DNAH12: variants seen among roughly 807,000 people sequenced by gnomAD.
DNAH12 encodes dynein axonemal heavy chain 12, also known as axonemal beta dynein heavy chain 12.
In DNAH12, 285 loss-of-function variants were observed where a neutral mutation model predicts 371.5. The observed-to-expected ratio is 0.77, with a 90% confidence interval of 0.70 to 0.85. The LOEUF (loss-of-function observed/expected upper bound fraction) is 0.85. DNAH12 is among the 40% of genes least tolerant of loss of function. DNAH12 has a pLI of 0.00. For missense variants in DNAH12, 3,611 were observed against 3,689.4 expected, an observed-to-expected ratio of 0.98 and a Z score of 0.55; for synonymous variants, 1,200 against 1,213.0, an observed-to-expected ratio of 0.99 and a Z score of 0.22.
At chr3:57,410,620 C>G (rs1181917519) in intron 39 of DNAH12, among the ~76,000 whole-genome samples, 1 of 151,848 alleles carries the variant, frequency 6.6e-6, no homozygotes, top group Admixed American at 6.6e-5. Context: ...AAGATCAAGA[C>G]CAGCCTGGCC....
At chr3:57,483,334 A>C (rs2066814517) in intron 13 of DNAH12, 42 bp downstream of exon 13, 1 of 1,529,096 alleles carries the variant, frequency 6.5e-7, no homozygotes, top group Admixed American at 2.2e-5. Flanking sequence ...ATAATATTTC[A>C]CAATGAAAAC....
Position 57,334,613 on chromosome 3 carries a change from A to G in DNAH12, c.9834-4T>C, listed in dbSNP as rs1335152290. 2 of 1,532,564 alleles carry G rather than the reference A, an allele frequency of 1.3e-6. No homozygotes were observed. Among genetic ancestry groups the G allele is most frequent in the African/African-American group, 1.4e-5 (1 of 71,850 alleles). 94.9% of individuals were successfully genotyped at this position (1,532,564 alleles called of 1,614,324 possible). On this transcript the variant is annotated splice_polypyrimidine_tract_variant and splice_region_variant and intron_variant, in intron 61 of 73. Transcript: ENST00000495027. ...TATATGTTCACAAAAATGTTGCCTAATAGAAAAAAGCTTAAGAATTATTCT... is the reference window on the plus strand; with the variant it reads ...TATATGTTCACAAAAATGTTGCCTAGTAGAAAAAAGCTTAAGAATTATTCT...
At chr3:57,511,951 G>A (rs928469632) in intron 4 of DNAH12, among the ~76,000 whole-genome samples, 1 of 151,808 alleles carries the variant, frequency 6.6e-6, no homozygotes, top group Non-Finnish European at 1.5e-5. Context: ...AACTATACAA[G>A]GATCAGGAAG....
chr3:57,402,353 G>C, intron 43 of DNAH12: 1 of 1,279,374 alleles, frequency 7.8e-7, no homozygotes, highest in Non-Finnish European at 1.0e-6. Flanking sequence ...TGGGGCTACA[G>C]ACCCCTAGGC....
At chr3:57,348,387 G>C (rs1553658901) in intron 60 of DNAH12, among the ~76,000 whole-genome samples, 2 of 152,080 alleles carry the variant, frequency 1.3e-5, no homozygotes, top group South Asian at 4.1e-4. Flanking sequence ...GAACACAGAG[G>C]ATTTTTAGAG....
chr3:57,317,516 A>C (rs909555689), intron 65 of DNAH12, among the ~76,000 whole-genome samples: 4 of 152,116 alleles, frequency 2.6e-5, no homozygotes, highest in Non-Finnish European at 5.9e-5. Context: ...AATGTCTTCA[A>C]GTTTTATCCA....
At chr3:57,410,492 C>A (rs1434303579) in intron 39 of DNAH12, among the ~76,000 whole-genome samples, 1 of 152,050 alleles carries the variant, frequency 6.6e-6, no homozygotes, top group Non-Finnish European at 1.5e-5. Context: ...CTTCCTATTC[C>A]TTGAGATAAA....
intron 18 of DNAH12, among the ~76,000 whole-genome samples, chr3:57,462,017 T>C (rs1342394484): frequency 6.6e-6 from 1 of 152,192 alleles, no homozygotes; most frequent in East Asian, 1.9e-4. Flanking sequence ...AGATGTTTTC[T>C]GTGTACTTCA....
rs1417550694 is a variant in DNAH12 at position 57,489,567 on chromosome 3, C to CTT, written c.1454_1455dup (p.Ala486LysfsTer8). ...TCATTTAATAATATGTTTGCAAAGG[C>CTT]TTTTGCTTTATTTGTCAGGCCTGTC... On this transcript the variant is annotated frameshift_variant, in exon 12 of 74. Coordinates refer to ENST00000495027, the MANE Select transcript of DNAH12 (RefSeq NM_001366028.2). LOFTEE classifies it high-confidence loss of function. The CTT allele has an allele frequency of 1.3e-6, 2 of 1,535,228 alleles. No homozygotes were observed. Among genetic ancestry groups the CTT allele is most frequent in the Admixed American group, 4.3e-5 (2 of 46,698 alleles).
At chr3:57,300,676 C>T (rs980229246) in intron 70 of DNAH12, among the ~76,000 whole-genome samples, 2 of 152,156 alleles carry the variant, frequency 1.3e-5, no homozygotes, top group African/African-American at 2.4e-5. Context: ...AGGAGAAAGT[C>T]TGTCTCTCTA....
chr3:57,380,207 T>C (rs1317466170), intron 51 of DNAH12, 71 bp downstream of exon 51: 1 of 152,176 alleles, frequency 6.6e-6, no homozygotes, highest in Non-Finnish European at 1.5e-5. Flanking sequence ...TTGTAAACTA[T>C]TGCATAATAT....
chr3:57,473,962 G>A (rs1453585468), intron 13 of DNAH12, among the ~76,000 whole-genome samples: 1 of 152,070 alleles, frequency 6.6e-6, no homozygotes, highest in Non-Finnish European at 1.5e-5. Context: ...TAGCACATCA[G>A]CAATAGAAGG....
rs1417483342 is a variant in DNAH12, at chr3:57,509,158, G to A, written c.524C>T (p.Pro175Leu). The A allele has an allele frequency of 6.2e-7, 1 of 1,613,308 alleles. No homozygotes were observed. Among genetic ancestry groups the A allele is most frequent in the Non-Finnish European group, 8.5e-7 (1 of 1,179,824 alleles). Residue 175 changes from proline (P) to leucine (L), a missense_variant, in exon 6 of 74, where the codon CCT (proline) becomes CTT (leucine). By Grantham distance (98) the Pro-to-Leu change is moderately conservative. Around this residue, in one of 3 missense-constraint regions of DNAH12, gnomAD observed 1,314 missense variants for 1,398.7 expected, o/e 0.94. Transcript: ENST00000495027. Reference sequence around the variant, plus strand: ...TACTCACACAGGAGATTCAGGTAAAGGACCTCCTTCATCTTCAAGCGATTT... The same window carrying A: ...TACTCACACAGGAGATTCAGGTAAAAGACCTCCTTCATCTTCAAGCGATTT... ...PVKSLEDEGG[P>L]LPESPVGLDY...
intron 34 of DNAH12, 39 bp from the exon 35 acceptor site, chr3:57,425,180 C>A: frequency 1.5e-6 from 1 of 677,172 alleles, no homozygotes; most frequent in Non-Finnish European, 2.7e-6. Context: ...TAATTTTCAT[C>A]TTATTTAGAA....
chr3:57,432,115 T>C (rs2064972783), intron 32 of DNAH12, among the ~76,000 whole-genome samples: 1 of 148,120 alleles, frequency 6.8e-6, no homozygotes, highest in African/African-American at 2.5e-5. Context: ...ACTGAATGCA[T>C]GAAAGAAGGA....
At chr3:57,383,556 A>G (rs2063439142) in intron 49 of DNAH12, among the ~76,000 whole-genome samples, 1 of 150,994 alleles carries the variant, frequency 6.6e-6, no homozygotes, top group African/African-American at 2.4e-5. Context: ...GAGAATGCAG[A>G]AAGATCACAG....
At chr3:57,320,251 C>A (rs1022104181) in intron 65 of DNAH12, among the ~76,000 whole-genome samples, 1 of 152,146 alleles carries the variant, frequency 6.6e-6, no homozygotes, top group Non-Finnish European at 1.5e-5. Context: ...GAAATTTTTA[C>A]ATGTTTTTAT....
At chr3:57,398,556 AG>A (rs2063791667) in intron 43 of DNAH12, among the ~76,000 whole-genome samples, 1 of 152,234 alleles carries the variant, frequency 6.6e-6, no homozygotes, top group South Asian at 2.1e-4. Flanking sequence ...GCCAGAGAAA[AG>A]CAACTTGTCA....
chr3:57,540,303 G>A (rs1448221095), intron 2 of DNAH12, among the ~76,000 whole-genome samples: 2 of 150,106 alleles, frequency 1.3e-5, no homozygotes, highest in South Asian at 2.1e-4. Flanking sequence ...CACCTGCCTC[G>A]GCCTCCCAAA....
Sources: gnomAD v4.1 joint callset for allele counts (sites outside exome capture counted in the v4.1 genomes callset) on GRCh38, gnomAD v4.1.1 for gene constraint, gnomAD v4.1.1 regional missense constraint, MANE v1.5 for transcripts, NCBI Gene and HGNC (gene_info 2026-07-23, HGNC 2026-07-21) for gene names.